GLIS3: variants seen among roughly 807,000 people sequenced by gnomAD.
GLIS3 encodes GLIS family zinc finger 3, also known as zinc finger protein GLIS3.
Under a neutral mutation model 78.6 loss-of-function variants are expected in GLIS3, and 53 were observed. That is an observed-to-expected ratio of 0.67 (90% CI 0.54 to 0.85). The LOEUF is 0.85. Ranked by LOEUF, GLIS3 falls within the 40% of genes least tolerant of loss-of-function variation. The probability of loss-of-function intolerance (pLI) is 0.00; values close to 1 mark genes in which losing one functional copy is unlikely to be tolerated. For synonymous variants in GLIS3, 684 were observed against 509.9 expected (o/e 1.34, Z -4.60); for missense variants, 1,703 against 1,231.1 (o/e 1.38, Z -5.74).
intron 2 of GLIS3, among the ~76,000 whole-genome samples, chr9:4,274,832 G>C (rs922006508): frequency 2.0e-5 from 3 of 152,104 alleles, no homozygotes; most frequent in South Asian, 2.1e-4. Flanking sequence ...AAGAGGTCTG[G>C]AGTGCCCTGT....
At chr9:4,283,272 T>TTG (rs1827717912) in intron 2 of GLIS3, among the ~76,000 whole-genome samples, 1 of 107,410 alleles carries the variant, frequency 9.3e-6, no homozygotes. Context: ...TTTTTTTGTT[T>TTG]TTTTTTTTTT....
chr9:4,046,824 C>T (rs574318106), intron 4 of GLIS3, among the ~76,000 whole-genome samples: 6 of 152,250 alleles, frequency 3.9e-5, no homozygotes, highest in African/African-American at 1.4e-4. Flanking sequence ...GGCAATTCTT[C>T]TTCAAATAAA....
chr9:3,951,507 G>A (rs373759349), intron 4 of GLIS3, among the ~76,000 whole-genome samples: 1 of 151,854 alleles, frequency 6.6e-6, no homozygotes, highest in Admixed American at 6.6e-5. Flanking sequence ...ATGTATGCTG[G>A]ACTACAGAAA....
intron 2 of GLIS3, among the ~76,000 whole-genome samples, chr9:4,208,793 A>C (rs1239185051): frequency 6.6e-6 from 1 of 152,134 alleles, no homozygotes; most frequent in Non-Finnish European, 1.5e-5. Context: ...TGGAGATGGA[A>C]CTCAATGGGT....
At chr9:4,050,227 G>C (rs1349059029) in intron 4 of GLIS3, among the ~76,000 whole-genome samples, 1 of 152,178 alleles carries the variant, frequency 6.6e-6, no homozygotes, top group Non-Finnish European at 1.5e-5. Flanking sequence ...ACTGGATTAA[G>C]AAAATGTGGC....
At chr9:4,460,407 G>C in the GLIS3 span, among the ~76,000 whole-genome samples, 1 of 152,106 alleles carries the variant, frequency 6.6e-6, no homozygotes, top group Non-Finnish European at 1.5e-5. Flanking sequence ...TTCTATACAA[G>C]CATAATGGGT....
rs143126298 is a variant in GLIS3, at chr9:3,827,932, A to G, written c.*340T>C. On this transcript the variant is annotated 3_prime_UTR_variant, in exon 11 of 11. Transcript: ENST00000381971. ...GAGTTTTCAGGTAGAGTCATCCCCA[A>G]ACTACATTTTCATATGCACATCATT... 71 of 348,420 alleles carry G rather than the reference A, an allele frequency of 2.0e-4. No individual in the cohort carries two copies. The highest frequency in any genetic ancestry group is 1.4e-3 in the African/African-American group (67 of 47,426). 21.6% of individuals were successfully genotyped at this position (348,420 alleles called of 1,614,324 possible). A position where few individuals can be genotyped will look rare whatever the true frequency, so the allele number is the denominator to read the frequency against.
intron 4 of GLIS3, among the ~76,000 whole-genome samples, chr9:3,964,764 C>T (rs948632395): frequency 6.6e-6 from 1 of 152,076 alleles, no homozygotes; most frequent in Non-Finnish European, 1.5e-5. Flanking sequence ...AAAGCCAATA[C>T]CTTTTATTTT....
At chr9:3,912,136 T>C (rs1824196732) in intron 6 of GLIS3, among the ~76,000 whole-genome samples, 1 of 152,174 alleles carries the variant, frequency 6.6e-6, no homozygotes, top group Non-Finnish European at 1.5e-5. Flanking sequence ...TCCGTAGGCT[T>C]GTAACAGAAT....
intron 1 of GLIS3, among the ~76,000 whole-genome samples, chr9:4,291,948 A>T (rs929269235): frequency 6.6e-6 from 1 of 152,186 alleles, no homozygotes; most frequent in Non-Finnish European, 1.5e-5. Context: ...CAATGAGTAC[A>T]GAAAGGTCTA....
chr9:4,097,027 CA>C (rs749763812), intron 4 of GLIS3, among the ~76,000 whole-genome samples: 1 of 151,952 alleles, frequency 6.6e-6, no homozygotes, highest in Non-Finnish European at 1.5e-5. Context: ...AATAAATAAA[CA>C]AACAAACAAA....
At chr9:4,283,526 A>T (rs756032634) in intron 2 of GLIS3, among the ~76,000 whole-genome samples, 14 of 151,990 alleles carry the variant, frequency 9.2e-5, no homozygotes, top group Non-Finnish European at 2.1e-4. Context: ...TTGGCCTCCC[A>T]AACTGCTGGG....
intron 4 of GLIS3, among the ~76,000 whole-genome samples, chr9:3,985,544 T>C (rs1026811513): frequency 3.3e-5 from 5 of 152,202 alleles, no homozygotes; most frequent in African/African-American, 1.2e-4. Flanking sequence ...ACATGAATAT[T>C]TGGGCCCAGA....
chr9:4,133,874 A>ACACACCCCCC (rs768664577), intron 2 of GLIS3, among the ~76,000 whole-genome samples: 4 of 123,918 alleles, frequency 3.2e-5, no homozygotes, highest in Non-Finnish European at 5.2e-5. Flanking sequence ...ACACACACAC[A>ACACACCCCCC]CCGTACATCT....
At chr9:4,490,193 C>T in the GLIS3 span, among the ~76,000 whole-genome samples, 1 of 152,240 alleles carries the variant, frequency 6.6e-6, no homozygotes, top group Admixed American at 6.5e-5. Flanking sequence ...CAGAAGAAAA[C>T]CCTTAACCCA....
At chr9:4,364,541 C>G in the GLIS3 span, among the ~76,000 whole-genome samples, 1 of 151,896 alleles carries the variant, frequency 6.6e-6, no homozygotes, top group East Asian at 1.9e-4. Context: ...AGTCAGGTTA[C>G]AAAACAATAT....
the GLIS3 span, among the ~76,000 whole-genome samples, chr9:4,404,059 A>T: frequency 6.6e-6 from 1 of 152,232 alleles, no homozygotes; most frequent in African/African-American, 2.4e-5. Flanking sequence ...GAAACCAAAG[A>T]AGAGTAGGAG....
chr9:4,192,876 G>C (rs1818456755), intron 2 of GLIS3, among the ~76,000 whole-genome samples: 1 of 152,046 alleles, frequency 6.6e-6, no homozygotes, highest in South Asian at 2.1e-4. Context: ...GTAAATGGGA[G>C]ACACTCCAGG....
At chr9:4,362,997 AAG>A in the GLIS3 span, among the ~76,000 whole-genome samples, 1 of 151,484 alleles carries the variant, frequency 6.6e-6, no homozygotes, top group Non-Finnish European at 1.5e-5. Context: ...AAGAGAGGAA[AAG>A]AGAAGAGAGG....
Sources: allele counts gnomAD v4.1 joint callset (sites outside exome capture counted in the v4.1 genomes callset), GRCh38; gene constraint gnomAD v4.1.1; transcripts MANE v1.5; gene names NCBI Gene and HGNC (gene_info 2026-07-23, HGNC 2026-07-21).